Variants in UNC79 observed in about 807,000 individuals in gnomAD.
The protein encoded by UNC79 is unc-79 subunit of NALCN channel complex.
A neutral mutation model predicts 283.1 loss-of-function variants in UNC79; 37 were observed. The ratio of observed to expected loss-of-function variants is 0.13; its 90% CI spans 0.10 to 0.17. UNC79 has a LOEUF of 0.17. Ranked by LOEUF, UNC79 falls within the 10% of genes least tolerant of loss-of-function variation. UNC79 has a pLI of 1.00. For missense variants in UNC79, 2,272 were observed against 3,211.1 expected, an observed-to-expected ratio of 0.71 and a Z score of 7.07; for synonymous variants, 1,107 against 1,200.2, an observed-to-expected ratio of 0.92 and a Z score of 1.61.
Position 93,688,981 on chromosome 14 carries a change from T to A in UNC79, c.7085+141T>A. On this transcript the variant is annotated intron_variant, in intron 44 of 48. Coordinates refer to ENST00000555664, the Ensembl canonical transcript of UNC79. This position sits in a 1 kb window ranked among gnomAD's most constrained non-coding sequence, Gnocchi z 4.0. The stretch of plus-strand genomic sequence containing the variant: ...CTTGGTTAGGAAGATGGAAATCAGA[T>A]CCCATCTCCTTACGTACTTGCTGAC... 1.1e-6 allele frequency: 1 copy of A among 913,642 alleles called. No homozygotes were observed. The highest frequency in any genetic ancestry group is 2.9e-5 in the East Asian group (1 of 34,792). The allele number at this position is 913,642 out of a possible 1,614,324, so 56.6% of individuals were successfully genotyped here.
chr14:93,347,542 G>A, intron 1 of UNC79: 11 of 1,022,924 alleles, frequency 1.1e-5, no homozygotes, highest in Non-Finnish European at 1.4e-5. Context: ...GGTTCCTGTG[G>A]CTTGGTCGCC....
intron 1 of UNC79, among the ~76,000 whole-genome samples, chr14:93,461,331 C>T (rs939829910): frequency 3.3e-5 from 5 of 152,144 alleles, no homozygotes; most frequent in Admixed American, 1.3e-4. Context: ...TTAAAACTTA[C>T]GTTTTATACA....
chr14:93,487,054 G>T (rs955980864), intron 4 of UNC79, among the ~76,000 whole-genome samples: 5 of 152,144 alleles, frequency 3.3e-5, no homozygotes, highest in African/African-American at 4.8e-5. Context: ...GGTTCTCATG[G>T]TAATGAAGAC....
At chr14:93,516,312 A>C (rs2140913774) in intron 7 of UNC79, among the ~76,000 whole-genome samples, 1 of 152,220 alleles carries the variant, frequency 6.6e-6, no homozygotes, top group South Asian at 2.1e-4. Context: ...ATTTTAATAC[A>C]TAAAATTATG....
Position 93,441,780 on chromosome 14 carries a change from A to G in UNC79, c.22+10729A>G, listed in dbSNP as rs958183341. On this transcript the variant is annotated intron_variant, in intron 1 of 48. Coordinates refer to ENST00000555664, the Ensembl canonical transcript of UNC79. ...TTTTGATAATTGTATTTTAGCTGCT[A>G]TATTTTCTTTCTTATAATCATGGTT... 4.6e-5 allele frequency among the ~76,000 whole-genome samples: 7 copies of G among 152,090 alleles called. No homozygotes were observed. In the South Asian group the frequency reaches 1.5e-3, roughly 32 times the overall value.
chr14:93,355,762 C>G (rs1176207937), intron 1 of UNC79, among the ~76,000 whole-genome samples: 1 of 152,208 alleles, frequency 6.6e-6, no homozygotes, highest in East Asian at 1.9e-4. Context: ...GTCAACTACT[C>G]ATATTTTCAT....
At chr14:93,574,331 A>T (rs2063357471) in intron 16 of UNC79, among the ~76,000 whole-genome samples, 1 of 152,182 alleles carries the variant, frequency 6.6e-6, no homozygotes, top group Non-Finnish European at 1.5e-5. Context: ...GATAGAGTGG[A>T]CACTAAAGTG....
At chr14:93,544,703 A>G (rs999414244) in intron 14 of UNC79, among the ~76,000 whole-genome samples, 1 of 152,228 alleles carries the variant, frequency 6.6e-6, no homozygotes, top group Admixed American at 6.5e-5. Context: ...GAGGAGAACA[A>G]GAGCATAGAA....
intron 1 of UNC79, among the ~76,000 whole-genome samples, chr14:93,396,007 C>T (rs1375692443): frequency 1.3e-5 from 2 of 152,074 alleles, no homozygotes; most frequent in African/African-American, 2.4e-5. Flanking sequence ...CCTTCTAGGA[C>T]TCTTATTATG....
chr14:93,624,988 C>G (rs917471447), intron 30 of UNC79, among the ~76,000 whole-genome samples: 1 of 152,186 alleles, frequency 6.6e-6, no homozygotes, highest in Non-Finnish European at 1.5e-5. Context: ...CCTCCGTATC[C>G]CTCACTCAGA....
At chr14:93,702,854 A>G (rs577801825) in intron 47 of UNC79, among the ~76,000 whole-genome samples, 2 of 152,290 alleles carry the variant, frequency 1.3e-5, no homozygotes, top group African/African-American at 2.4e-5. Context: ...TCTTCTCTGG[A>G]CCATTGAGGC....
chr14:93,598,406 GTGT>G (rs1566742218), intron 24 of UNC79, among the ~76,000 whole-genome samples: 26,900 of 145,086 alleles, frequency 0.19, 2,650 homozygotes, highest in Non-Finnish European at 0.22. Context: ...GTGTGTGTGT[GTGT>G]GGCAGATTTT....
rs187211759 is a variant in UNC79, at chr14:93,356,733, A to T, written c.-351+23210A>T. Among the ~76,000 whole-genome samples, 323 of 152,298 alleles carry T rather than the reference A, an allele frequency of 2.1e-3. 5 individuals are homozygous for T. The East Asian group carries it at 0.022, about 10-fold the overall frequency. On this transcript the variant is annotated intron_variant, in intron 1 of 49. Coordinates refer to the UNC79 transcript ENST00000256339. ...TTTCAGGTTTTGAAATATTTAAAAA[A>T]TTTTTTTGCCACATCTGGCCTAGTA... is the stretch of plus-strand genomic sequence containing the variant.
chr14:93,602,867 C>T (rs941608221), intron 25 of UNC79, among the ~76,000 whole-genome samples: 25 of 152,100 alleles, frequency 1.6e-4, no homozygotes, highest in African/African-American at 6.0e-4. Flanking sequence ...TCTCAAACTC[C>T]TGGCCTCAAG....
upstream of UNC79, among the ~76,000 whole-genome samples, chr14:93,430,047 G>A (rs891126394): frequency 1.3e-5 from 2 of 152,140 alleles, no homozygotes; most frequent in Admixed American, 1.3e-4. This position sits in a 1 kb window ranked among gnomAD's most constrained non-coding sequence, Gnocchi z 4.6. Context: ...TAATATGCAC[G>A]ATGCCCTCGT....
intron 1 of UNC79, among the ~76,000 whole-genome samples, chr14:93,410,449 G>A (rs955186765): frequency 1.3e-5 from 2 of 152,172 alleles, no homozygotes; most frequent in African/African-American, 4.8e-5. Context: ...GGACTTGGGG[G>A]ACATGCCACT....
chr14:93,426,952 G>A (rs1291978213), upstream of UNC79, among the ~76,000 whole-genome samples: 1 of 152,110 alleles, frequency 6.6e-6, no homozygotes, highest in Non-Finnish European at 1.5e-5. Flanking sequence ...TGTGATTTTA[G>A]TGTTGTGGAG....
At chr14:93,504,191 T>A (rs1005728315) in intron 7 of UNC79, among the ~76,000 whole-genome samples, 3 of 152,058 alleles carry the variant, frequency 2.0e-5, no homozygotes, top group Non-Finnish European at 4.4e-5. Flanking sequence ...CCTGTGCAAG[T>A]CCTTTACCTT....
In UNC79 at chr14:93,401,948, C is replaced by T. The variant is rs576073868; in HGVS notation, c.-350-65723C>T. 1.2e-4 allele frequency among the ~76,000 whole-genome samples: 19 copies of T among 152,168 alleles called. No individual in the cohort carries two copies. In the East Asian group the frequency reaches 3.3e-3, roughly 26 times the overall value. ...CAAAAGCCTCTCACACAGGACGTATCCAATTCAAGATTCCACAATGTAATG... is the reference window on the plus strand; with the variant it reads ...CAAAAGCCTCTCACACAGGACGTATTCAATTCAAGATTCCACAATGTAATG... On this transcript the variant is annotated intron_variant, in intron 1 of 49. Coordinates refer to the UNC79 transcript ENST00000256339.
Sources: allele counts gnomAD v4.1 joint callset (sites outside exome capture counted in the v4.1 genomes callset), GRCh38; gene constraint gnomAD v4.1.1; non-coding constraint Gnocchi (gnomAD v3.1); transcripts MANE v1.5; gene names NCBI Gene and HGNC (gene_info 2026-07-23, HGNC 2026-07-21).